Variants in UNC5B observed in about 807,000 individuals in gnomAD.
The protein encoded by UNC5B is unc-5 netrin receptor B.
In UNC5B, 56 loss-of-function variants were observed where a neutral mutation model predicts 103.7. That is an observed-to-expected ratio of 0.54 (90% CI 0.44 to 0.67). The LOEUF (loss-of-function observed/expected upper bound fraction) is 0.67, where lower values mean the gene tolerates loss of function less well. Ranked by LOEUF, UNC5B falls within the 30% of genes least tolerant of loss-of-function variation. The pLI is 0.00. For missense variants in UNC5B, 1,194 were observed against 1,284.5 expected (o/e 0.93, Z 1.08); for synonymous variants, 577 against 542.0 (o/e 1.06, Z -0.90).
At chr10:71,273,681 G>A (rs1844698817) in intron 1 of UNC5B, among the ~76,000 whole-genome samples, 1 of 152,226 alleles carries the variant, frequency 6.6e-6, no homozygotes, top group Non-Finnish European at 1.5e-5. Flanking sequence ...CGGGCACAGG[G>A]CCTGCTGTCC....
chr10:71,285,468 G>A, intron 4 of UNC5B, 39 bp downstream of exon 4: 1 of 1,516,980 alleles, frequency 6.6e-7, no homozygotes, highest in Non-Finnish European at 8.8e-7. Context: ...ACGGCCCTGT[G>A]GCCATGCCTG....
chr10:71,233,539 A>C (rs1843721894), intron 1 of UNC5B, among the ~76,000 whole-genome samples: 3 of 148,724 alleles, frequency 2.0e-5, no homozygotes, highest in African/African-American at 5.0e-5. Context: ...CTGCCTCCCC[A>C]CTCCACGGTC....
intron 1 of UNC5B, among the ~76,000 whole-genome samples, chr10:71,254,108 C>T (rs1452276477): frequency 6.6e-6 from 1 of 152,170 alleles, no homozygotes; most frequent in Non-Finnish European, 1.5e-5. Context: ...GACTGGACTC[C>T]GAAGTCTGAC....
At chr10:71,233,248 T>C (rs992313785) in intron 1 of UNC5B, among the ~76,000 whole-genome samples, 2 of 152,154 alleles carry the variant, frequency 1.3e-5, no homozygotes, top group African/African-American at 4.8e-5. Context: ...TTGCAGGTTT[T>C]CAAGTGTGTC....
chr10:71,285,400 C>T lies in UNC5B; in HGVS notation c.523C>T (p.Arg175Cys), dbSNP rs766997109. Residue 175 changes from arginine (R) to cysteine (C), a missense_variant, in exon 4 of 17, where the codon CGC becomes TGC. Physicochemically the swap from Arg to Cys is radical, Grantham distance 180. Coordinates refer to ENST00000335350, the MANE Select transcript of UNC5B (RefSeq NM_170744.5). The stretch of plus-strand genomic sequence containing the variant: ...GGACCATGAGGTTCTCCTGCAGTGC[C>T]GCCCGCCGGAGGGGGTGCCTGTGGC... Reference protein sequence around the residue: ...PLDHEVLLQCRPPEGVPVAEV... With the variant: ...PLDHEVLLQCCPPEGVPVAEV... The T allele has an allele frequency of 1.1e-5, 18 of 1,606,274 alleles. No homozygotes were observed. Among genetic ancestry groups the T allele is most frequent in the African/African-American group, 4.0e-5 (3 of 74,874 alleles).
At position 71,212,954 on chromosome 10, in the gene UNC5B, G is replaced by A. The variant is rs771224064; in HGVS notation, c.-32G>A. 5.3e-6 allele frequency: 7 copies of A among 1,316,388 alleles called. No individual in the cohort carries two copies. In the Admixed American group the frequency reaches 1.8e-4, roughly 34 times the overall value. 81.5% of individuals were successfully genotyped at this position (1,316,388 alleles called of 1,614,324 possible). The stretch of plus-strand genomic sequence containing the variant: ...GACTGGGGCCAGGGAGACAGCCCTG[G>A]GGGAGAGGCGCCCGAACCAGGCCGC... On this transcript the variant is annotated 5_prime_UTR_variant, in exon 1 of 17. Coordinates refer to ENST00000335350, the MANE Select transcript of UNC5B (RefSeq NM_170744.5).
intron 1 of UNC5B, among the ~76,000 whole-genome samples, chr10:71,278,589 C>A (rs1266131037): frequency 1.3e-5 from 2 of 152,268 alleles, no homozygotes; most frequent in Non-Finnish European, 2.9e-5. Flanking sequence ...ACATTCTGTT[C>A]TTGGAAAACC....
chr10:71,279,908 A>G lies in UNC5B; in HGVS notation c.167A>G (p.Asp56Gly), dbSNP rs776335421. ...PLPYFLQEPQ[D>G]AYIVKNKPVE... ...CCCTACTTCCTGCAGGAGCCACAGG[A>G]CGCCTACATTGTGAAGAACAAGCCT... The change falls in exon 2 of 17, where the codon GAC becomes GGC. Residue 56 changes from aspartate (D) to glycine (G), a missense_variant. Transcript: ENST00000335350. 1.1e-5 allele frequency: 17 copies of G among 1,613,772 alleles called. No individual in the cohort carries two copies. Among genetic ancestry groups the G allele is most frequent in the Middle Eastern group, 1.6e-4 (1 of 6,076 alleles).
chr10:71,279,594 G>T (rs1482883898), intron 1 of UNC5B, among the ~76,000 whole-genome samples: 1 of 152,222 alleles, frequency 6.6e-6, no homozygotes, highest in East Asian at 1.9e-4. Flanking sequence ...GTGGGAACTG[G>T]CTCTTTATAA....
At chr10:71,227,629 CAT>C (rs1843592937) in intron 1 of UNC5B, among the ~76,000 whole-genome samples, 2 of 140,490 alleles carry the variant, frequency 1.4e-5, no homozygotes, top group South Asian at 2.2e-4. Context: ...TACATATATA[CAT>C]ATATATACAC....
At chr10:71,298,638 A>G (rs756886850) in intron 16 of UNC5B, among the ~76,000 whole-genome samples, 1 of 152,216 alleles carries the variant, frequency 6.6e-6, no homozygotes, top group South Asian at 2.1e-4. Context: ...TATGCTTTAG[A>G]TAAGACATTT....
chr10:71,285,223 C>A, intron 3 of UNC5B, 103 bp from the exon 4 acceptor site: 2 of 1,224,178 alleles, frequency 1.6e-6, no homozygotes, highest in Non-Finnish European at 1.2e-6. Context: ...GGCCCATCAA[C>A]AGTACCCTGG....
rs564844503 is a variant in UNC5B at position 71,281,586 on chromosome 10, G to A, written c.304+1541G>A. On this transcript the variant is annotated intron_variant, in intron 2 of 16. Coordinates refer to ENST00000335350, the MANE Select transcript of UNC5B (RefSeq NM_170744.5). ...CAATCTCCTGACCTCGTGATCCCCC[G>A]GCCTTGGCCTCCCAAAGTGCTGGGA... 7.2e-5 allele frequency among the ~76,000 whole-genome samples: 11 copies of A among 152,238 alleles called. No homozygotes were observed. In the East Asian group the frequency reaches 1.5e-3, roughly 21 times the overall value.
intron 8 of UNC5B, 127 bp downstream of exon 8, chr10:71,289,117 A>C (rs1845178711): frequency 3.2e-6 from 4 of 1,235,880 alleles, no homozygotes; most frequent in Non-Finnish European, 4.6e-6. Context: ...CCACGGGATC[A>C]TCTACACCTG....
chr10:71,288,023 C>T (rs1158880779), intron 6 of UNC5B, among the ~76,000 whole-genome samples: 1 of 152,202 alleles, frequency 6.6e-6, no homozygotes, highest in East Asian at 1.9e-4. Flanking sequence ...GGCTCTTCTG[C>T]CCTCCAAGCT....
chr10:71,270,173 A>G (rs1013930611), intron 1 of UNC5B, among the ~76,000 whole-genome samples: 13 of 151,998 alleles, frequency 8.6e-5, no homozygotes, highest in Non-Finnish European at 1.5e-4. Context: ...AACATGGTGA[A>G]ACCCCGTGTC....
chr10:71,289,232 G>A (rs569400560), intron 8 of UNC5B, among the ~76,000 whole-genome samples: 1 of 152,360 alleles, frequency 6.6e-6, no homozygotes, highest in African/African-American at 2.4e-5. Context: ...TCATAAGAGG[G>A]GAAACTGAGT....
rs186334582 is a variant in UNC5B at position 71,291,831 on chromosome 10, T to A, written c.1684+10T>A. ...AGCATCCCCGGCACAGGTGAGCCCC[T>A]GCCCTGCTTGTGCGTCAGCCTGGCC... On this transcript the variant is annotated intron_variant, in intron 10 of 16. Transcript: ENST00000335350. 3.3e-4 allele frequency: 514 copies of A among 1,579,610 alleles called. No homozygotes were observed. In the Middle Eastern group the frequency reaches 3.5e-3, roughly 11 times the overall value.
intron 1 of UNC5B, among the ~76,000 whole-genome samples, chr10:71,237,387 A>G (rs1238803404): frequency 6.6e-6 from 1 of 152,212 alleles, no homozygotes; most frequent in Non-Finnish European, 1.5e-5. Context: ...TGAGGTTTAA[A>G]TGAGATTTTA....
Sources: allele counts gnomAD v4.1 joint callset (sites outside exome capture counted in the v4.1 genomes callset), GRCh38; gene constraint gnomAD v4.1.1; transcripts MANE v1.5; gene names NCBI Gene and HGNC (gene_info 2026-07-23, HGNC 2026-07-21).